The following PECR variants were observed in gnomAD, a reference collection of about 807,000 sequenced individuals.
PECR encodes the protein peroxisomal trans-2-enoyl-CoA reductase, also known as 2,4-dienoyl-CoA reductase-related protein.
PECR carries 30 observed loss-of-function variants against 35.3 expected under a neutral mutation model. The observed-to-expected ratio is 0.85, with a 90% CI of 0.64 to 1.15. The LOEUF (loss-of-function observed/expected upper bound fraction) is 1.15, where lower values mean the gene tolerates loss of function less well. PECR is among the 50% of genes most tolerant of loss of function. The pLI is 0.00. For missense variants in PECR, 392 were observed against 370.8 expected (o/e 1.06, Z -0.47); for synonymous variants, 148 against 138.9 (o/e 1.07, Z -0.46).
intron 1 of PECR, among the ~76,000 whole-genome samples, chr2:216,073,767 T>A (rs1695631755): frequency 6.6e-6 from 1 of 152,214 alleles, no homozygotes; most frequent in Non-Finnish European, 1.5e-5. Context: ...TAACCTCCCG[T>A]ACAGGTTTGG....
At chr2:216,048,277 G>A (rs575962966) in intron 6 of PECR, among the ~76,000 whole-genome samples, 69 of 150,552 alleles carry the variant, frequency 4.6e-4, no homozygotes, top group Non-Finnish European at 7.5e-4. Flanking sequence ...GGGTTTCACC[G>A]TGTTAGCCAG....
At chr2:216,029,567 G>C (rs930387702) in intron 7 of PECR, among the ~76,000 whole-genome samples, 1 of 152,234 alleles carries the variant, frequency 6.6e-6, no homozygotes, top group African/African-American at 2.4e-5. Flanking sequence ...CCTGCCTCCA[G>C]GCTGGCCCTT....
At chr2:216,055,196 G>C (rs1695200627) in intron 4 of PECR, among the ~76,000 whole-genome samples, 1 of 151,472 alleles carries the variant, frequency 6.6e-6, no homozygotes, top group Non-Finnish European at 1.5e-5. Flanking sequence ...TCAGCACATT[G>C]AGAGGCCAAG....
At chr2:216,066,656 T>C (rs1695472313) in intron 1 of PECR, 138 bp from the exon 2 acceptor site, 2 of 768,682 alleles carry the variant, frequency 2.6e-6, no homozygotes, top group East Asian at 2.6e-5. Flanking sequence ...ATAATAATAT[T>C]GAAAAAATAT....
chr2:216,035,908 C>T (rs908644403), downstream of PECR, among the ~76,000 whole-genome samples: 15 of 152,328 alleles, frequency 9.8e-5, no homozygotes, highest in African/African-American at 3.6e-4. Context: ...CTCCAATCTG[C>T]TGTGATAATC....
chr2:216,036,825 C>G (rs1694801253), downstream of PECR, among the ~76,000 whole-genome samples: 1 of 152,206 alleles, frequency 6.6e-6, no homozygotes, highest in Non-Finnish European at 1.5e-5. Context: ...TTCAGAGGAC[C>G]TGAACATAAG....
chr2:216,051,760 A>G (rs1402009799), intron 4 of PECR, among the ~76,000 whole-genome samples: 2 of 152,214 alleles, frequency 1.3e-5, no homozygotes, highest in African/African-American at 4.8e-5. Flanking sequence ...CAAATCTCAC[A>G]TGGCATAGAC....
intron 6 of PECR, among the ~76,000 whole-genome samples, chr2:216,044,927 G>T (rs1694963074): frequency 6.6e-6 from 1 of 152,236 alleles, no homozygotes; most frequent in African/African-American, 2.4e-5. Flanking sequence ...GATGCTTACT[G>T]AGACTTCAGA....
At chr2:216,055,714 C>T (rs1695213656) in intron 4 of PECR, among the ~76,000 whole-genome samples, 1 of 152,140 alleles carries the variant, frequency 6.6e-6, no homozygotes, top group Non-Finnish European at 1.5e-5. Flanking sequence ...GGATGCACAG[C>T]CCCAGAGCCC....
At chr2:216,032,133 ACT>A (rs1180665745) in intron 7 of PECR, among the ~76,000 whole-genome samples, 1 of 152,032 alleles carries the variant, frequency 6.6e-6, no homozygotes, top group African/African-American at 2.4e-5. Context: ...TACAGAAATG[ACT>A]CTTTTTCTTC....
chr2:216,042,427 C>G (rs535566889), intron 7 of PECR, among the ~76,000 whole-genome samples: 1 of 152,294 alleles, frequency 6.6e-6, no homozygotes, highest in South Asian at 2.1e-4. Flanking sequence ...TACGTAGACC[C>G]TGGGTCCTTG....
chr2:216,077,428 A>T (rs948559921), intron 1 of PECR, among the ~76,000 whole-genome samples: 2 of 151,184 alleles, frequency 1.3e-5, no homozygotes, highest in Non-Finnish European at 2.9e-5. Context: ...AATGGCTTGA[A>T]CCCGGGAGGC....
At chr2:216,036,878 A>G (rs1694802285), downstream of PECR, among the ~76,000 whole-genome samples, 1 of 152,200 alleles carries the variant, frequency 6.6e-6, no homozygotes, top group Non-Finnish European at 1.5e-5. Context: ...TAATGTTCAC[A>G]AGGGTCATCT....
At chr2:216,032,255 G>C (rs7586341) in intron 7 of PECR, among the ~76,000 whole-genome samples, 7,392 of 152,262 alleles carry the variant, frequency 0.049, 543 homozygotes, top group African/African-American at 0.16. Context: ...TCAGTCCAGA[G>C]AAATGAAAAC....
intron 1 of PECR, among the ~76,000 whole-genome samples, chr2:216,077,110 G>C (rs1164988237): frequency 6.6e-6 from 1 of 151,876 alleles, no homozygotes. Flanking sequence ...TGTTGGTCAG[G>C]CTGATCTCGA....
chr2:216,059,835 G>A (rs954580687), intron 3 of PECR, among the ~76,000 whole-genome samples: 4 of 152,180 alleles, frequency 2.6e-5, no homozygotes, highest in Admixed American at 2.0e-4. Context: ...CAATCAAGAA[G>A]CATTAAGTCC....
At chr2:216,074,562 G>GGAAGGA in intron 1 of PECR, among the ~76,000 whole-genome samples, 1 of 147,222 alleles carries the variant, frequency 6.8e-6, no homozygotes, top group Non-Finnish European at 1.5e-5. Flanking sequence ...GGAAGGAAGA[G>GGAAGGA]AGAGAGAGAG....
At chr2:216,044,714 A>C (rs1694958819) in intron 6 of PECR, among the ~76,000 whole-genome samples, 1 of 152,134 alleles carries the variant, frequency 6.6e-6, no homozygotes, top group African/African-American at 2.4e-5. Context: ...AAAAATAAAA[A>C]TAAACCAAAG....
At chr2:216,056,975 GT>G (rs956720185) in intron 4 of PECR, among the ~76,000 whole-genome samples, 5 of 151,638 alleles carry the variant, frequency 3.3e-5, no homozygotes, top group African/African-American at 9.7e-5. Flanking sequence ...GACAAGCTGT[GT>G]TTTTTTTCTA....
Sources: allele counts gnomAD v4.1 joint callset (sites outside exome capture counted in the v4.1 genomes callset), GRCh38; gene constraint gnomAD v4.1.1; transcripts MANE v1.5; gene names NCBI Gene and HGNC (gene_info 2026-07-23, HGNC 2026-07-21).